Variants in ARHGEF11 observed in about 807,000 individuals in gnomAD.
ARHGEF11 encodes Rho guanine nucleotide exchange factor 11.
A neutral mutation model predicts 193.7 loss-of-function variants in ARHGEF11; 55 were observed. That is an observed-to-expected ratio of 0.28 (90% confidence interval 0.23 to 0.36). The LOEUF (loss-of-function observed/expected upper bound fraction) is 0.36. Among genes scored for constraint, ARHGEF11 ranks in the 10% least tolerant of loss-of-function variants. The pLI is 1.00. For missense variants in ARHGEF11, 1,723 were observed against 2,005.6 expected (o/e 0.86, Z 2.69); for synonymous variants, 693 against 768.0 (o/e 0.90, Z 1.62).
chr1:157,018,518 G>A (rs749387072), intron 1 of ARHGEF11, among the ~76,000 whole-genome samples: 17 of 151,974 alleles, frequency 1.1e-4, no homozygotes, highest in Non-Finnish European at 1.9e-4. Flanking sequence ...GGTGTCGGGC[G>A]CCTGTAGTCC....
intron 32 of ARHGEF11, among the ~76,000 whole-genome samples, 160 bp downstream of exon 32, chr1:156,943,775 T>C (rs572017077): frequency 6.6e-6 from 1 of 152,134 alleles, no homozygotes; most frequent in South Asian, 2.1e-4. Flanking sequence ...CTACCCCACT[T>C]TGGGCCAGTC....
chr1:156,957,356 CAT>C (rs1660098840), intron 18 of ARHGEF11, among the ~76,000 whole-genome samples: 1 of 152,228 alleles, frequency 6.6e-6, no homozygotes, highest in African/African-American at 2.4e-5. Context: ...AAAATTCTAA[CAT>C]GTGCCAAGAA....
In ARHGEF11 at chr1:156,939,869, C is replaced by A. The variant is rs2101806729; in HGVS notation, c.3775G>T (p.Gly1259Cys). 1 of 1,610,064 alleles carries A rather than the reference C, an allele frequency of 6.2e-7. No homozygotes were observed. Among genetic ancestry groups the A allele is most frequent in the Non-Finnish European group, 8.5e-7 (1 of 1,179,898 alleles). ...GCAGCCTGAGTTTCCATGGTGTGACCTGGCAGCAGGCTCCACAGGATCAGA... is the reference window on the plus strand; with the variant it reads ...GCAGCCTGAGTTTCCATGGTGTGACATGGCAGCAGGCTCCACAGGATCAGA... ...RHLILWSLLP[G>C]HTMETQAAQE... Residue 1259 changes from glycine to cysteine, a missense_variant, in exon 37 of 41, where the codon GGT becomes TGT. By Grantham distance (159) the Gly-to-Cys change is radical (BLOSUM62 -3). Around this residue, in one of 5 missense-constraint regions of ARHGEF11, gnomAD observed 203 missense variants for 237.3 expected, o/e 0.86. Transcript: ENST00000368194.
rs1673125071 is a variant in ARHGEF11, at chr1:157,044,394, C to T, written c.-64G>A. The T allele has an allele frequency of 3.8e-6, 6 of 1,564,292 alleles. No individual in the cohort carries two copies. The East Asian group carries it at 6.7e-5, about 18-fold the overall frequency. ...TTTGGTGTCTTGATCAGGATTGAAT[C>T]GCTTGCAATTTTTGAGCAAGGTGAG... On this transcript the variant is annotated 5_prime_UTR_variant, in exon 1 of 41. Coordinates refer to ENST00000368194, the MANE Select transcript of ARHGEF11 (RefSeq NM_198236.3).
chr1:156,979,585 C>G (rs1394304920), intron 4 of ARHGEF11, among the ~76,000 whole-genome samples: 2 of 152,058 alleles, frequency 1.3e-5, no homozygotes, highest in Admixed American at 1.3e-4. Flanking sequence ...AGGATGGTCT[C>G]GATCTCCTGA....
At chr1:156,951,968 T>C (rs1293172255) in intron 21 of ARHGEF11, among the ~76,000 whole-genome samples, 1 of 152,074 alleles carries the variant, frequency 6.6e-6, no homozygotes, top group African/African-American at 2.4e-5. Flanking sequence ...AAGCATTCTT[T>C]TGGCTCTCAC....
At chr1:156,950,223 C>G (rs1406155159) in intron 22 of ARHGEF11, among the ~76,000 whole-genome samples, 2 of 152,140 alleles carry the variant, frequency 1.3e-5, no homozygotes, top group African/African-American at 2.4e-5. Flanking sequence ...TCTGTCAATT[C>G]TCATGGCAGC....
chr1:156,963,305 C>A lies in ARHGEF11; in HGVS notation c.1039-1G>T. Reference sequence around the variant, plus strand: ...CCAGATCCTGGAATATGATGTCGCTCTGGAAGGCAGAAGGATGAGCATGGT... The same window carrying A: ...CCAGATCCTGGAATATGATGTCGCTATGGAAGGCAGAAGGATGAGCATGGT... On this transcript the variant is annotated splice_acceptor_variant, in intron 12 of 40. Transcript: ENST00000368194. LOFTEE classifies it high-confidence loss of function. The A allele has an allele frequency of 6.2e-7, 1 of 1,613,640 alleles. No individual in the cohort carries two copies. The highest frequency in any genetic ancestry group is 2.2e-5 in the East Asian group (1 of 44,874).
rs36031299 is a variant in ARHGEF11 at position 156,979,361 on chromosome 1, C to CTTTT, written c.274-79_274-76dup. The stretch of plus-strand genomic sequence containing the variant: ...ATCCTTCTGTAAGTTCAAAATGCCA[C>CTTTT]TTTTTTTTTTTTTTTTTTTTTTGAG... On this transcript the variant is annotated intron_variant, in intron 4 of 40. Transcript: ENST00000368194. 3,452 of 504,392 alleles carry CTTTT rather than the reference C, an allele frequency of 6.8e-3. 5 individuals are homozygous for CTTTT. The highest frequency in any genetic ancestry group is 0.016 in the South Asian group (657 of 40,634). 31.2% of individuals were successfully genotyped at this position (504,392 alleles called of 1,614,324 possible). A position where few individuals can be genotyped will look rare whatever the true frequency, so the allele number is the denominator to read the frequency against.
At chr1:157,025,724 G>A (rs1185446984) in intron 1 of ARHGEF11, among the ~76,000 whole-genome samples, 2 of 152,132 alleles carry the variant, frequency 1.3e-5, no homozygotes, top group South Asian at 2.1e-4. Context: ...GATAGATCAA[G>A]GAGCTAAGTT....
At chr1:157,012,803 A>C (rs995070110) in intron 1 of ARHGEF11, among the ~76,000 whole-genome samples, 1 of 152,220 alleles carries the variant, frequency 6.6e-6, no homozygotes, top group African/African-American at 2.4e-5. Flanking sequence ...CTTGGTGTGT[A>C]GTAGATGCTA....
chr1:156,958,348 A>G lies in ARHGEF11; in HGVS notation c.1502+394T>C, dbSNP rs78153865. On this transcript the variant is annotated intron_variant, in intron 17 of 40. Transcript: ENST00000368194. ...GTAAAAGATGGTTCAATTTCCCCTA[A>G]GCCAGTTCTAGCTGCCTCCTGAAGG... is the stretch of plus-strand genomic sequence containing the variant. 8.4e-3 allele frequency among the ~76,000 whole-genome samples: 1,287 copies of G among 152,326 alleles called. 19 individuals are homozygous for G. The highest frequency in any genetic ancestry group is 0.028 in the African/African-American group (1,162 of 41,566).
chr1:156,945,938 C>T, intron 29 of ARHGEF11, 107 bp downstream of exon 29: 1 of 851,052 alleles, frequency 1.2e-6, no homozygotes, highest in African/African-American at 1.7e-5. Flanking sequence ...ACGAAGACAC[C>T]AAAGACCACA....
intron 21 of ARHGEF11, among the ~76,000 whole-genome samples, chr1:156,954,482 GA>G (rs1659647615): frequency 6.8e-6 from 1 of 146,026 alleles, no homozygotes. Flanking sequence ...CACTTATACA[GA>G]ACTCTGGATT....
Position 156,948,757 on chromosome 1 carries a change from G to T in ARHGEF11, c.1926-259C>A. ...TCTTCCTCTGGAGCTATTAGGAAGG[G>T]ATCCTAACAGGAAGATGAAATCTGG... On this transcript the variant is annotated intron_variant, in intron 22 of 40. Transcript: ENST00000368194. The surrounding 1 kb of genome is among the most constrained non-coding windows in gnomAD (Gnocchi z 4.2). 1 of 1,419,906 alleles carries T rather than the reference G, an allele frequency of 7.0e-7. No homozygotes were observed. Among genetic ancestry groups the T allele is most frequent in the East Asian group, 3.0e-5 (1 of 33,578 alleles). 88.0% of individuals were successfully genotyped at this position (1,419,906 alleles called of 1,614,324 possible). A position where few individuals can be genotyped will look rare whatever the true frequency, so the allele number is the denominator to read the frequency against.
chr1:157,015,272 A>G (rs949401406), intron 1 of ARHGEF11, among the ~76,000 whole-genome samples: 1 of 152,188 alleles, frequency 6.6e-6, no homozygotes, highest in Non-Finnish European at 1.5e-5. Context: ...TCTGAATCCT[A>G]GTTCTACTAC....
At position 156,969,327 on chromosome 1, in the gene ARHGEF11, G is replaced by A; in HGVS notation, c.780C>T (p.Asp260=). Reference sequence around the variant, plus strand: ...GTTCTGTCCCAGAGTCCAAGCCACTGTCCCCCTCCTGGGAATCCAGAGAGA... The same window carrying A: ...GTTCTGTCCCAGAGTCCAAGCCACTATCCCCCTCCTGGGAATCCAGAGAGA... The part of the protein sequence containing the change: ...GRLSLDSQEG[D]SGLDSGTERF... Residue 260 remains aspartate, a synonymous_variant, in exon 10 of 41, where the codon GAC becomes GAT. Coordinates refer to ENST00000368194, the MANE Select transcript of ARHGEF11 (RefSeq NM_198236.3). 27 of 1,609,256 alleles carry A rather than the reference G, an allele frequency of 1.7e-5. No individual in the cohort carries two copies. Among genetic ancestry groups the A allele is most frequent in the Non-Finnish European group, 2.2e-5 (26 of 1,177,774 alleles).
chr1:156,993,282 T>A (rs1349265663), intron 1 of ARHGEF11, among the ~76,000 whole-genome samples: 1 of 152,224 alleles, frequency 6.6e-6, no homozygotes, highest in African/African-American at 2.4e-5. Flanking sequence ...TGGTCTTTAT[T>A]TTCTCTTTTA....
At chr1:157,024,194 G>A (rs1670356459) in intron 1 of ARHGEF11, among the ~76,000 whole-genome samples, 1 of 152,186 alleles carries the variant, frequency 6.6e-6, no homozygotes. Context: ...ACCACATTTT[G>A]TATAATTCCG....
Sources: gnomAD v4.1 joint callset for allele counts (sites outside exome capture counted in the v4.1 genomes callset) on GRCh38, gnomAD v4.1.1 for gene constraint, gnomAD v4.1.1 regional missense constraint, Gnocchi (gnomAD v3.1) non-coding constraint, MANE v1.5 for transcripts, NCBI Gene and HGNC (gene_info 2026-07-23, HGNC 2026-07-21) for gene names.